THSD7B: variants seen among roughly 807,000 people sequenced by gnomAD.
THSD7B encodes the protein thrombospondin type 1 domain containing 7B.
THSD7B carries 138 observed loss-of-function variants against 213.6 expected under a neutral mutation model. The ratio of observed to expected loss-of-function variants is 0.65; its 90% CI spans 0.56 to 0.74. THSD7B has a LOEUF of 0.74. THSD7B is among the 30% of genes least tolerant of loss of function. THSD7B has a pLI of 0.00. For missense variants in THSD7B, 1,931 were observed against 1,991.5 expected (o/e 0.97, Z 0.58); for synonymous variants, 742 against 687.0 (o/e 1.08, Z -1.25).
intron 12 of THSD7B, among the ~76,000 whole-genome samples, chr2:137,331,266 G>T (rs1684500043): frequency 6.6e-6 from 1 of 151,634 alleles, no homozygotes; most frequent in Non-Finnish European, 1.5e-5. Flanking sequence ...TAGATACAGA[G>T]TGTCGATTGG....
intron 20 of THSD7B, among the ~76,000 whole-genome samples, chr2:137,626,802 C>T (rs1395992275): frequency 6.6e-6 from 1 of 152,182 alleles, no homozygotes; most frequent in Non-Finnish European, 1.5e-5. Context: ...GCTGTAGGGG[C>T]ATGGCCACAA....
At chr2:137,516,263 G>A (rs995924831) in intron 15 of THSD7B, among the ~76,000 whole-genome samples, 1 of 152,146 alleles carries the variant, frequency 6.6e-6, no homozygotes, top group Non-Finnish European at 1.5e-5. Context: ...CAGAAAACTT[G>A]CAGGTCAAAA....
chr2:136,851,250 A>T (rs543081861), intron 1 of THSD7B, among the ~76,000 whole-genome samples: 2 of 151,944 alleles, frequency 1.3e-5, no homozygotes, highest in East Asian at 1.9e-4. Flanking sequence ...TTTTTATACC[A>T]TTCTTTTATT....
At chr2:137,123,643 T>A (rs1279538360) in intron 5 of THSD7B, among the ~76,000 whole-genome samples, 1 of 152,158 alleles carries the variant, frequency 6.6e-6, no homozygotes, top group Non-Finnish European at 1.5e-5. Flanking sequence ...AATGAATGCA[T>A]GTTGAAAGGA....
At chr2:137,138,794 T>C (rs1253362186) in intron 5 of THSD7B, among the ~76,000 whole-genome samples, 2 of 152,204 alleles carry the variant, frequency 1.3e-5, no homozygotes, top group Non-Finnish European at 2.9e-5. Context: ...TTTTGCAAAT[T>C]TAAAGTATGT....
chr2:137,556,692 A>T (rs1418600146), intron 15 of THSD7B, among the ~76,000 whole-genome samples: 1 of 152,182 alleles, frequency 6.6e-6, no homozygotes, highest in Non-Finnish European at 1.5e-5. Context: ...AACACATAAC[A>T]ATATTAACCT....
intron 17 of THSD7B, among the ~76,000 whole-genome samples, chr2:137,610,295 AG>A (rs1193225698): frequency 1.3e-5 from 2 of 152,118 alleles, no homozygotes; most frequent in Non-Finnish European, 2.9e-5. Flanking sequence ...ACAAGTTGCC[AG>A]GTGATGTTGA....
At chr2:137,551,602 A>G (rs1680849495) in intron 15 of THSD7B, among the ~76,000 whole-genome samples, 1 of 152,186 alleles carries the variant, frequency 6.6e-6, no homozygotes, top group East Asian at 1.9e-4. Flanking sequence ...TAAACTTCCC[A>G]TTGGCTTTAA....
Position 137,057,029 on chromosome 2 carries a change from A to C in THSD7B, c.749A>C (p.Lys250Thr), listed in dbSNP as rs1277072916. ...AGCCTTAAGGTTGGACCATGGAGTA[A>C]ATGCAGACTGCCTCATCTTAAAGAA... is the stretch of plus-strand genomic sequence containing the variant. The part of the protein sequence containing the change: ...TFSLKVGPWS[K>T]CRLPHLKEIN... The change falls in exon 3 of 28, where the codon AAA becomes ACA. Residue 250 changes from lysine (K) to threonine (T), a missense_variant. By Grantham distance (78) the Lys-to-Thr change is moderately conservative (BLOSUM62 -1). Transcript: ENST00000409968. 1 of 1,613,938 alleles carries C rather than the reference A, an allele frequency of 6.2e-7. No homozygotes were observed. Among genetic ancestry groups the C allele is most frequent in the South Asian group, 1.1e-5 (1 of 91,082 alleles).
chr2:136,985,729 A>G (rs1343276113), intron 2 of THSD7B, among the ~76,000 whole-genome samples: 6 of 152,322 alleles, frequency 3.9e-5, no homozygotes, highest in African/African-American at 1.2e-4. Context: ...GAAAAAGGCC[A>G]TCGCTCTCCA....
At chr2:136,995,280 G>A (rs1032992045) in intron 2 of THSD7B, among the ~76,000 whole-genome samples, 12 of 152,154 alleles carry the variant, frequency 7.9e-5, no homozygotes, top group Admixed American at 7.2e-4. Flanking sequence ...AGCTGGGATG[G>A]TGTGGCAGGA....
chr2:136,786,937 G>A (rs537788185), intron 1 of THSD7B, among the ~76,000 whole-genome samples: 160 of 152,170 alleles, frequency 1.1e-3, no homozygotes, highest in Admixed American at 2.5e-3. Context: ...TAAAAAAAGG[G>A]GGTACATCAG....
chr2:137,634,129 G>A (rs1477752460), intron 20 of THSD7B, among the ~76,000 whole-genome samples: 1 of 151,960 alleles, frequency 6.6e-6, no homozygotes, highest in Admixed American at 6.6e-5. Context: ...CCTGATTTTG[G>A]GGTTCTTATC....
intron 12 of THSD7B, among the ~76,000 whole-genome samples, chr2:137,347,227 A>G (rs900424342): frequency 1.2e-4 from 18 of 151,744 alleles, no homozygotes; most frequent in African/African-American, 4.1e-4. Context: ...CAGGAGCAGA[A>G]GTTGAGACAG....
At chr2:137,671,252 A>ATTT (rs1558878848) in intron 27 of THSD7B, among the ~76,000 whole-genome samples, 2 of 146,804 alleles carry the variant, frequency 1.4e-5, no homozygotes, top group Non-Finnish European at 3.0e-5. Flanking sequence ...TTTTTTAAAA[A>ATTT]AAAAAAAAAA....
chr2:137,325,969 G>A (rs902786247), intron 12 of THSD7B, among the ~76,000 whole-genome samples: 2 of 152,168 alleles, frequency 1.3e-5, no homozygotes, highest in Non-Finnish European at 2.9e-5. Flanking sequence ...TCTCTTAAAT[G>A]TGAGGGAGCA....
intron 2 of THSD7B, among the ~76,000 whole-genome samples, chr2:136,940,715 A>G (rs1374565681): frequency 4.4e-5 from 6 of 136,938 alleles, no homozygotes; most frequent in Non-Finnish European, 7.7e-5. Flanking sequence ...GTGTGTGTAT[A>G]TATATATATA....
At chr2:137,027,482 T>A (rs1487269269) in intron 2 of THSD7B, among the ~76,000 whole-genome samples, 1 of 152,188 alleles carries the variant, frequency 6.6e-6, no homozygotes, top group Non-Finnish European at 1.5e-5. Context: ...TTACTCACAT[T>A]CTGTTGGCAA....
At chr2:137,113,683 C>T (rs1357182551) in intron 4 of THSD7B, among the ~76,000 whole-genome samples, 2 of 152,122 alleles carry the variant, frequency 1.3e-5, no homozygotes, top group Non-Finnish European at 2.9e-5. Context: ...GTGATCCGCC[C>T]ACCTCAGCCT....
Sources: allele counts gnomAD v4.1 joint callset (sites outside exome capture counted in the v4.1 genomes callset), GRCh38; gene constraint gnomAD v4.1.1; transcripts MANE v1.5; gene names NCBI Gene and HGNC (gene_info 2026-07-23, HGNC 2026-07-21).